Variants in FHL1 observed in about 807,000 individuals in gnomAD.
The protein encoded by FHL1 is four and a half LIM domains protein 1.
FHL1 carries 1 observed loss-of-function variant against 20.3 expected under a neutral mutation model. That is an observed-to-expected ratio of 0.05 (90% CI 0.02 to 0.23). FHL1 has a LOEUF of 0.23. Among genes scored for constraint, FHL1 ranks in the 10% least tolerant of loss-of-function variants. FHL1 has a pLI of 1.00. For missense variants in FHL1, 177 were observed against 234.0 expected (o/e 0.76, Z 1.59); for synonymous variants, 82 against 88.9 (o/e 0.92, Z 0.44).
chrX:136,183,587 G>A, intron 2 of FHL1, among the ~76,000 whole-genome samples: 1 of 112,010 alleles, frequency 8.9e-6, no homozygotes, highest in Non-Finnish European at 1.9e-5. Context: ...CAAATCAGAT[G>A]AAATTTAATT....
intron 1 of FHL1, among the ~76,000 whole-genome samples, chrX:136,155,032 A>G (rs1275683853): frequency 8.0e-5 from 9 of 112,189 alleles, no homozygotes; most frequent in Non-Finnish European, 1.7e-4. Context: ...TAAAAAAATC[A>G]GTTATTTAGC....
chrX:136,200,445 G>T lies in FHL1; in HGVS notation c.22+3311G>T, dbSNP rs2073679644. Reference sequence around the variant, plus strand: ...AGCAGAGGAGAATAGGCCCAAGAAAGAAGTCCTTACAGAAAGGAAATCAGT... The same window carrying T: ...AGCAGAGGAGAATAGGCCCAAGAAATAAGTCCTTACAGAAAGGAAATCAGT... On this transcript the variant is annotated intron_variant, in intron 1 of 5. Coordinates refer to ENST00000370683, the MANE Select transcript of FHL1 (RefSeq NM_001159699.2). 2.7e-5 allele frequency among the ~76,000 whole-genome samples: 3 copies of T among 111,754 alleles called. No individual in the cohort carries two copies. The South Asian group carries it at 1.1e-3, about 42-fold the overall frequency.
chrX:136,185,040 C>T (rs1015298788), intron 2 of FHL1, among the ~76,000 whole-genome samples: 23 of 111,987 alleles, frequency 2.1e-4, no homozygotes, highest in Admixed American at 9.5e-5. Flanking sequence ...AAGTCAAAAA[C>T]ATTTACTGTT....
Position 136,199,568 on chromosome X carries a change from C to CAAT in FHL1, c.22+2434_22+2435insAAT, listed in dbSNP as rs1196652925. Reference sequence around the variant, plus strand: ...TTAGCATGTCTATTACACAAGTGTCCTATTCATTGGCTAAGGCTTTGCTCC... The same window carrying CAAT: ...TTAGCATGTCTATTACACAAGTGTCCAATTATTCATTGGCTAAGGCTTTGCTCC... On this transcript the variant is annotated intron_variant, in intron 1 of 5. Coordinates refer to ENST00000370683, the MANE Select transcript of FHL1 (RefSeq NM_001159699.2). 4.4e-5 allele frequency among the ~76,000 whole-genome samples: 5 copies of CAAT among 112,438 alleles called. No individual in the cohort carries two copies. In the East Asian group the frequency reaches 1.4e-3, roughly 31 times the overall value.
chrX:136,192,746 T>C (rs1468856181), upstream of FHL1, among the ~76,000 whole-genome samples: 1 of 111,841 alleles, frequency 8.9e-6, no homozygotes, highest in Non-Finnish European at 1.9e-5. Flanking sequence ...GGGTATGCCA[T>C]GAATTGTGAC....
intron 2 of FHL1, among the ~76,000 whole-genome samples, chrX:136,182,000 G>C (rs1444166763): frequency 8.9e-6 from 1 of 112,131 alleles, no homozygotes; most frequent in Admixed American, 9.5e-5. Flanking sequence ...GCTATAGAAT[G>C]CTGTTAAAGA....
At chrX:136,163,745 G>GT (rs2072636915) in intron 1 of FHL1, among the ~76,000 whole-genome samples, 2 of 111,674 alleles carry the variant, frequency 1.8e-5, no homozygotes, top group Non-Finnish European at 3.8e-5. Flanking sequence ...ACAATTCTTT[G>GT]TTTTTTGTTG....
intron 2 of FHL1, among the ~76,000 whole-genome samples, chrX:136,180,432 C>T (rs983661413): frequency 2.3e-5 from 2 of 87,820 alleles, no homozygotes; most frequent in African/African-American, 7.7e-5. Flanking sequence ...AGCATGATAC[C>T]ACTTTCATAT....
At chrX:136,188,416 C>T (rs986300902) in intron 2 of FHL1, among the ~76,000 whole-genome samples, 11 of 111,247 alleles carry the variant, frequency 9.9e-5, no homozygotes, top group Admixed American at 8.6e-4. Context: ...CTGATATGCC[C>T]CTGTTCCCTT....
intron 2 of FHL1, among the ~76,000 whole-genome samples, chrX:136,177,045 C>T (rs189686086): frequency 2.7e-5 from 3 of 109,766 alleles, no homozygotes; most frequent in Non-Finnish European, 5.7e-5. Context: ...CACACACACA[C>T]ATAATGTCTC....
intron 1 of FHL1, among the ~76,000 whole-genome samples, chrX:136,161,512 T>C (rs2072565723): frequency 8.9e-6 from 1 of 111,855 alleles, no homozygotes; most frequent in Admixed American, 9.5e-5. Flanking sequence ...TTTTGTCACC[T>C]TACAAACTTA....
At position 136,210,370 on chromosome X, in the gene FHL1, C is replaced by T. The variant is rs777576309; in HGVS notation, c.*345C>T. 41 of 400,784 alleles carry T rather than the reference C, an allele frequency of 1.0e-4. No individual in the cohort carries two copies. In the South Asian group the frequency reaches 1.0e-3, roughly 10 times the overall value. 33.0% of individuals were successfully genotyped at this position (400,784 alleles called of 1,213,427 possible). A position where few individuals can be genotyped will look rare whatever the true frequency, so the allele number is the denominator to read the frequency against. ...GCAAGAAGCATAGGAGATAAAACCC[C>T]CACTGAGATGCCTCTCATGCCTCAG... On this transcript the variant is annotated 3_prime_UTR_variant, in exon 6 of 6. Transcript: ENST00000370683.
At chrX:136,208,720 T>A in intron 5 of FHL1, 79 bp downstream of exon 5, 9 of 1,006,235 alleles carry the variant, frequency 8.9e-6, no homozygotes, top group Non-Finnish European at 1.3e-5. Flanking sequence ...CTGTCGTCGG[T>A]TTCATCCACA....
chrX:136,179,879 T>G (rs1296482092), intron 2 of FHL1, among the ~76,000 whole-genome samples: 1 of 111,834 alleles, frequency 8.9e-6, no homozygotes, highest in Non-Finnish European at 1.9e-5. Flanking sequence ...ACGCTCCTAT[T>G]CCTACCACCT....
chrX:136,165,609 A>C (rs1445553085), upstream of FHL1, among the ~76,000 whole-genome samples: 1 of 112,336 alleles, frequency 8.9e-6, no homozygotes, highest in Admixed American at 9.5e-5. Context: ...CATGACAATC[A>C]CATTCAAAGA....
intron 2 of FHL1, among the ~76,000 whole-genome samples, chrX:136,184,429 C>A (rs1190135535): frequency 9.0e-6 from 1 of 111,583 alleles, no homozygotes; most frequent in African/African-American, 3.2e-5. Context: ...AACGAAGAAG[C>A]AAGATTTTAT....
rs778514899 is a variant in FHL1 at position 136,207,860 on chromosome X, C to G, written c.448C>G (p.Gln150Glu). ...CTGCTTCACCTGTAGTAACTGCAAGCAAGTCATCGGGACTGGAAGCTTCTT... is the reference window on the plus strand; with the variant it reads ...CTGCTTCACCTGTAGTAACTGCAAGGAAGTCATCGGGACTGGAAGCTTCTT... ...KDCFTCSNCK[Q>E]VIGTGSFFPK... Residue 150 changes from glutamine to glutamate, a missense_variant, in exon 4 of 6, where the codon CAA becomes GAA. Transcript: ENST00000370683. 13 of 1,212,047 alleles carry G rather than the reference C, an allele frequency of 1.1e-5. No homozygotes were observed. Among genetic ancestry groups the G allele is most frequent in the Non-Finnish European group, 1.5e-5 (13 of 895,416 alleles).
intron 1 of FHL1, among the ~76,000 whole-genome samples, chrX:136,161,497 T>C (rs1211594097): frequency 8.9e-6 from 1 of 111,924 alleles, no homozygotes; most frequent in African/African-American, 3.2e-5. Context: ...AATTTGAAAG[T>C]TGAATTTTGT....
At chrX:136,206,157 T>C (rs1032433771) in intron 1 of FHL1, 18 of 442,557 alleles carry the variant, frequency 4.1e-5, no homozygotes, top group Non-Finnish European at 5.9e-5. Flanking sequence ...AGCAGGGGCT[T>C]CTACCATCTC....
Sources: gnomAD v4.1 joint callset for allele counts (sites outside exome capture counted in the v4.1 genomes callset) on GRCh38, gnomAD v4.1.1 for gene constraint, MANE v1.5 for transcripts, NCBI Gene and HGNC (gene_info 2026-07-23, HGNC 2026-07-21) for gene names.